CLEC12A: variants seen among roughly 807,000 people sequenced by gnomAD.
CLEC12A encodes C-type lectin domain family 12 member A, also known as C-type lectin protein CLL-1.
CLEC12A carries 22 observed loss-of-function variants against 26.5 expected under a neutral mutation model. The ratio of observed to expected loss-of-function variants is 0.83; its 90% CI spans 0.59 to 1.19. The LOEUF is 1.19. Ranked by LOEUF, CLEC12A falls within the 50% of genes most tolerant of loss-of-function variation. CLEC12A has a pLI of 0.00. For synonymous variants in CLEC12A, 119 were observed against 101.9 expected (o/e 1.17, Z -1.01); for missense variants, 353 against 315.6 (o/e 1.12, Z -0.90).
chr12:9,973,257 T>C (rs1282705071), intron 1 of CLEC12A, among the ~76,000 whole-genome samples: 2 of 152,112 alleles, frequency 1.3e-5, no homozygotes, highest in African/African-American at 2.4e-5. Context: ...GGCCAGAAGT[T>C]TGAGACCAGC....
chr12:10,003,976 G>T, the CLEC12A span, among the ~76,000 whole-genome samples: 1 of 152,198 alleles, frequency 6.6e-6, no homozygotes, highest in South Asian at 2.1e-4. Flanking sequence ...CACCCAGTGT[G>T]ATTGAGGGAA....
In CLEC12A at chr12:9,983,407, T is replaced by C. The variant is rs1284932898; in HGVS notation, c.641+1278T>C. Reference sequence around the variant, plus strand: ...ATAATGAGGAATGTGGTTATAAATATACTATTTTAAGTGGATTTATACGTT... The same window carrying C: ...ATAATGAGGAATGTGGTTATAAATACACTATTTTAAGTGGATTTATACGTT... On this transcript the variant is annotated intron_variant, in intron 5 of 5. Coordinates refer to ENST00000304361, the MANE Select transcript of CLEC12A (RefSeq NM_138337.6). 6 of 601,898 alleles carry C rather than the reference T, an allele frequency of 1.0e-5. No individual in the cohort carries two copies. The African/African-American group carries it at 1.1e-4, about 11-fold the overall frequency. 37.3% of individuals were successfully genotyped at this position (601,898 alleles called of 1,614,324 possible). A position where few individuals can be genotyped will look rare whatever the true frequency, so the allele number is the denominator to read the frequency against.
chr12:9,960,924 A>T (rs536952373), intron 1 of CLEC12A, among the ~76,000 whole-genome samples: 4 of 152,042 alleles, frequency 2.6e-5, no homozygotes, highest in African/African-American at 9.6e-5. Context: ...GTAGCATCAA[A>T]CTCTGTAAAA....
At chr12:9,979,305 T>A in intron 2 of CLEC12A, 31 bp from the exon 3 acceptor site, 4 of 1,484,746 alleles carry the variant, frequency 2.7e-6, no homozygotes, top group Non-Finnish European at 2.8e-6. Flanking sequence ...ATTGAGAATT[T>A]ACAATTTTTT....
rs370048226 is a variant in CLEC12A at position 9,965,375 on chromosome 12, G to T, written c.11-6202G>T. Among the ~76,000 whole-genome samples, 55 of 152,270 alleles carry T rather than the reference G, an allele frequency of 3.6e-4. No individual in the cohort carries two copies. The East Asian group carries it at 9.6e-3, about 27-fold the overall frequency. On this transcript the variant is annotated intron_variant, in intron 1 of 6. Coordinates refer to the CLEC12A transcript ENST00000355690. ...TGTGTTTTTATGAGAATTATGCTGAGATAGGTAAGAGATGAGGAAGAAATT... is the reference window on the plus strand; with the variant it reads ...TGTGTTTTTATGAGAATTATGCTGATATAGGTAAGAGATGAGGAAGAAATT...
chr12:10,004,886 G>A, the CLEC12A span, among the ~76,000 whole-genome samples: 1 of 151,844 alleles, frequency 6.6e-6, no homozygotes, highest in African/African-American at 2.4e-5. Context: ...ATTTACATTA[G>A]GTGTATCTCC....
At chr12:9,976,960 C>T (rs1864362197) in intron 1 of CLEC12A, among the ~76,000 whole-genome samples, 1 of 152,096 alleles carries the variant, frequency 6.6e-6, no homozygotes, top group South Asian at 2.1e-4. Flanking sequence ...TTTCACCTTC[C>T]ACCATGATTG....
the CLEC12A span, among the ~76,000 whole-genome samples, chr12:10,004,909 T>TC: frequency 1.2e-4 from 18 of 147,164 alleles, no homozygotes; most frequent in African/African-American, 4.3e-4. Flanking sequence ...ATGCTATCCC[T>TC]CCCCACTCCC....
At chr12:9,973,996 GA>G (rs1864235860) in intron 1 of CLEC12A, among the ~76,000 whole-genome samples, 2 of 151,874 alleles carry the variant, frequency 1.3e-5, no homozygotes, top group African/African-American at 4.8e-5. Flanking sequence ...CTCAACTTTT[GA>G]AAGCATTTTC....
chr12:9,973,109 T>C (rs1164718808), intron 1 of CLEC12A, among the ~76,000 whole-genome samples: 1 of 152,170 alleles, frequency 6.6e-6, no homozygotes, highest in African/African-American at 2.4e-5. Context: ...TATTATGTAA[T>C]GTCTACTCTT....
chr12:10,001,699 G>T, the CLEC12A span, among the ~76,000 whole-genome samples: 1 of 152,290 alleles, frequency 6.6e-6, no homozygotes, highest in African/African-American at 2.4e-5. Flanking sequence ...AAGAGAGATA[G>T]ATATCACAAA....
chr12:9,953,090 G>T (rs1464014124), intron 1 of CLEC12A: 29 of 149,148 alleles, frequency 1.9e-4, no homozygotes, highest in African/African-American at 7.4e-4. Flanking sequence ...AGGTGGGGGG[G>T]GTTAGCCCTC....
downstream of CLEC12A, chr12:9,996,953 C>A: frequency 6.2e-7 from 1 of 1,614,144 alleles, no homozygotes. Flanking sequence ...TAGCAGCTAT[C>A]TCCATAATAT....
intron 4 of CLEC12A, chr12:9,992,951 G>T (rs1362828767): frequency 2.0e-6 from 1 of 509,530 alleles, no homozygotes; most frequent in Non-Finnish European, 3.5e-6. Context: ...GGAAGCAAAT[G>T]ATAAACTCAC....
chr12:9,995,316 C>G, exon 5 of CLEC12A: 1 of 1,308,704 alleles, frequency 7.6e-7, no homozygotes, highest in Non-Finnish European at 1.1e-6. Flanking sequence ...GACAAAGCTT[C>G]ATGATAAGAC....
intron 1 of CLEC12A, among the ~76,000 whole-genome samples, chr12:9,976,755 T>C (rs1436176046): frequency 6.6e-6 from 1 of 152,178 alleles, no homozygotes; most frequent in East Asian, 1.9e-4. Flanking sequence ...AAATCTCATC[T>C]TGAATTATAG....
downstream of CLEC12A, chr12:9,998,146 C>T: frequency 3.0e-6 from 2 of 673,688 alleles, no homozygotes; most frequent in South Asian, 1.8e-5. Context: ...TTGAGATTCT[C>T]TTGGCAACTA....
the CLEC12A span, among the ~76,000 whole-genome samples, chr12:10,002,761 C>T: frequency 6.6e-6 from 1 of 152,164 alleles, no homozygotes; most frequent in Non-Finnish European, 1.5e-5. Context: ...ACTTTTTAAT[C>T]ATTACACTTC....
chr12:9,998,682 C>T (rs952423527), downstream of CLEC12A, among the ~76,000 whole-genome samples: 26 of 134,030 alleles, frequency 1.9e-4, no homozygotes, highest in African/African-American at 6.9e-4. Flanking sequence ...TTGTTTTATG[C>T]TCACCCATGC....
Sources: allele counts gnomAD v4.1 joint callset (sites outside exome capture counted in the v4.1 genomes callset), GRCh38; gene constraint gnomAD v4.1.1; transcripts MANE v1.5; gene names NCBI Gene and HGNC (gene_info 2026-07-23, HGNC 2026-07-21).